COL25A1: variants seen among roughly 807,000 people sequenced by gnomAD.
The protein encoded by COL25A1 is collagen alpha-1(XXV) chain.
Under a neutral mutation model 128.4 loss-of-function variants are expected in COL25A1, and 103 were observed. The observed-to-expected ratio is 0.80, with a 90% CI of 0.68 to 0.94. COL25A1 has a LOEUF of 0.94. Among genes scored for constraint, COL25A1 ranks in the 40% least tolerant of loss-of-function variants. The probability of loss-of-function intolerance (pLI) is 0.00; values close to 1 mark genes in which losing one functional copy is unlikely to be tolerated. For synonymous variants in COL25A1, 279 were observed against 277.2 expected (o/e 1.01, Z -0.06); for missense variants, 745 against 840.0 (o/e 0.89, Z 1.40).
intron 5 of COL25A1, among the ~76,000 whole-genome samples, chr4:109,032,672 T>C (rs1758977077): frequency 1.3e-5 from 2 of 152,256 alleles, no homozygotes; most frequent in Admixed American, 1.3e-4. Flanking sequence ...CAAGAGTATC[T>C]GAATACATTT....
At chr4:109,049,701 A>G (rs1760802282) in intron 4 of COL25A1, among the ~76,000 whole-genome samples, 1 of 152,216 alleles carries the variant, frequency 6.6e-6, no homozygotes, top group Non-Finnish European at 1.5e-5. Context: ...TGGATAAAAT[A>G]ACAACACAGC....
chr4:108,819,751 T>C, intron 35 of COL25A1: 1 of 872,784 alleles, frequency 1.1e-6, no homozygotes, highest in South Asian at 5.7e-5. Context: ...TCCGGCTTGC[T>C]CTTCTCCCAT....
rs1560887047 is a variant in COL25A1, at chr4:109,218,357, G to GTTTTTTTTTTTTTTGTT, written c.367+82225_367+82226insAACAAAAAAAAAAAAAA. Among the ~76,000 whole-genome samples, 14 of 73,528 alleles carry GTTTTTTTTTTTTTTGTT rather than the reference G, an allele frequency of 1.9e-4. No individual in the cohort carries two copies. The South Asian group carries it at 2.1e-3, about 11-fold the overall frequency. The allele number at this position is 73,528 out of a possible 152,430, so 48.2% of individuals were successfully genotyped here. On this transcript the variant is annotated intron_variant, in intron 3 of 37. Coordinates refer to ENST00000399132, the MANE Select transcript of COL25A1 (RefSeq NM_198721.4). ...CAGAATCAATTGCTGGTTTTTTGGGGTTTTTTTTTTTTTTTTTTTTTTTTT... is the reference window on the plus strand; with the variant it reads ...CAGAATCAATTGCTGGTTTTTTGGGGTTTTTTTTTTTTTTGTTTTTTTTTTTTTTTTTTTTTTTTTTT...
intron 13 of COL25A1, among the ~76,000 whole-genome samples, chr4:108,903,946 T>C (rs1440305134): frequency 6.6e-6 from 1 of 152,082 alleles, no homozygotes; most frequent in Non-Finnish European, 1.5e-5. Flanking sequence ...ATTCACAAAA[T>C]TTTACAGCTG....
In COL25A1 at chr4:109,087,755, A is replaced by G. The variant is rs1271987125; in HGVS notation, c.368-37576T>C. On this transcript the variant is annotated intron_variant, in intron 3 of 37. Coordinates refer to ENST00000399132, the MANE Select transcript of COL25A1 (RefSeq NM_198721.4). ...ACATTAGGAAATATATTCTTCAAAA[A>G]TTTATTGCTTTTTGCATACAAAATC... is the stretch of plus-strand genomic sequence containing the variant. 5.3e-5 allele frequency among the ~76,000 whole-genome samples: 8 copies of G among 152,278 alleles called. No homozygotes were observed. In the South Asian group the frequency reaches 8.3e-4, roughly 16 times the overall value.
rs566290318 is a variant in COL25A1, at chr4:109,201,187, A to C, written c.367+99396T>G. The stretch of plus-strand genomic sequence containing the variant: ...ACAAGACTGCTATGAAAATATGAAG[A>C]AGGCTATCTTTTCTGTTGGTATGCA... On this transcript the variant is annotated intron_variant, in intron 3 of 37. Transcript: ENST00000399132. 2.6e-5 allele frequency among the ~76,000 whole-genome samples: 4 copies of C among 152,308 alleles called. No homozygotes were observed. The South Asian group carries it at 8.3e-4, about 32-fold the overall frequency.
At chr4:108,909,454 T>C (rs59113615) in intron 13 of COL25A1, among the ~76,000 whole-genome samples, 16,224 of 152,270 alleles carry the variant, frequency 0.11, 948 homozygotes, top group Non-Finnish European at 0.14. Context: ...ACCTTCCTTA[T>C]GCTTTTTAAA....
At chr4:109,016,344 C>T (rs981336421) in intron 5 of COL25A1, among the ~76,000 whole-genome samples, 9 of 152,234 alleles carry the variant, frequency 5.9e-5, no homozygotes, top group Non-Finnish European at 7.3e-5. Flanking sequence ...GGGCTGAGGG[C>T]AGCGCAGTGC....
In COL25A1 at chr4:108,940,620, T is replaced by C. The variant is rs775287714; in HGVS notation, c.591A>G (p.Pro197=). Residue 197 remains proline (P), a synonymous_variant, in exon 10 of 38, where the codon CCA becomes CCG. Coordinates refer to ENST00000399132, the MANE Select transcript of COL25A1 (RefSeq NM_198721.4). ...TTGGGCCTGGAGGGCCAGGGGGTCCTGGAGGCCCTGCCTGTCCTTGGTCAC... is the reference window on the plus strand; with the variant it reads ...TTGGGCCTGGAGGGCCAGGGGGTCCCGGAGGCCCTGCCTGTCCTTGGTCAC... ...IKGDQGQAGP[P]GPPGPPGPRG... is the part of the protein sequence containing the mutation. 1.9e-6 allele frequency: 3 copies of C among 1,605,250 alleles called. No individual in the cohort carries two copies. Among genetic ancestry groups the C allele is most frequent in the African/African-American group, 1.3e-5 (1 of 74,722 alleles).
intron 19 of COL25A1, among the ~76,000 whole-genome samples, chr4:108,877,656 C>G (rs1287201175): frequency 6.6e-6 from 1 of 151,354 alleles, no homozygotes; most frequent in Non-Finnish European, 1.5e-5. Context: ...AAACAAAAAA[C>G]TAACAAATAA....
intron 24 of COL25A1, among the ~76,000 whole-genome samples, chr4:108,857,648 A>T: frequency 6.6e-6 from 1 of 152,180 alleles, no homozygotes; most frequent in Non-Finnish European, 1.5e-5. Context: ...CAGATCTGTC[A>T]TAATTAGATT....
intron 23 of COL25A1, 97 bp downstream of exon 23, chr4:108,860,829 AT>A: frequency 1.0e-6 from 1 of 982,480 alleles, no homozygotes. Context: ...ATTATTAAGT[AT>A]TATTAATACA....
chr4:108,863,030 G>A (rs1443572024), intron 21 of COL25A1, among the ~76,000 whole-genome samples: 1 of 152,064 alleles, frequency 6.6e-6, no homozygotes, highest in African/African-American at 2.4e-5. Flanking sequence ...TTATCAACAG[G>A]GATTTTTTTT....
At chr4:109,099,708 A>G (rs1765719952) in intron 3 of COL25A1, among the ~76,000 whole-genome samples, 1 of 151,918 alleles carries the variant, frequency 6.6e-6, no homozygotes. Flanking sequence ...ATTAGTCTGA[A>G]AGGTAAATAA....
chr4:109,038,815 CCACTGGAGATT>C (rs1171293495), intron 5 of COL25A1, among the ~76,000 whole-genome samples: 1 of 152,156 alleles, frequency 6.6e-6, no homozygotes, highest in Non-Finnish European at 1.5e-5. Flanking sequence ...CCCTCTGCCC[CCACTGGAGATT>C]CATCCTTCCC....
intron 3 of COL25A1, among the ~76,000 whole-genome samples, chr4:109,214,681 A>C (rs1391472357): frequency 6.6e-6 from 1 of 152,254 alleles, no homozygotes; most frequent in East Asian, 1.9e-4. Context: ...GTATCAATGC[A>C]AGATGAAACA....
At chr4:109,267,197 G>T (rs1781854200) in intron 3 of COL25A1, among the ~76,000 whole-genome samples, 1 of 152,094 alleles carries the variant, frequency 6.6e-6, no homozygotes, top group Non-Finnish European at 1.5e-5. Flanking sequence ...TATGAAAAAT[G>T]ATATAAATAT....
At chr4:109,131,496 T>C (rs1186183832) in intron 3 of COL25A1, among the ~76,000 whole-genome samples, 1 of 152,192 alleles carries the variant, frequency 6.6e-6, no homozygotes, top group African/African-American at 2.4e-5. Context: ...GATATGTATT[T>C]TGTTATTTAA....
intron 3 of COL25A1, among the ~76,000 whole-genome samples, chr4:109,128,171 A>G (rs1218807409): frequency 2.0e-5 from 3 of 152,194 alleles, no homozygotes; most frequent in African/African-American, 7.2e-5. Flanking sequence ...TGTAGAAACT[A>G]AAACTAACAG....
Sources: gnomAD v4.1 joint callset for allele counts (sites outside exome capture counted in the v4.1 genomes callset) on GRCh38, gnomAD v4.1.1 for gene constraint, MANE v1.5 for transcripts, NCBI Gene and HGNC (gene_info 2026-07-23, HGNC 2026-07-21) for gene names.